The following TYRO3 variants were observed in gnomAD, a reference collection of about 807,000 sequenced individuals.
TYRO3 encodes the protein TYRO3 protein tyrosine kinase, also known as tyrosine-protein kinase receptor TYRO3.
TYRO3 carries 38 observed loss-of-function variants against 95.2 expected under a neutral mutation model. The ratio of observed to expected loss-of-function variants is 0.40; its 90% CI spans 0.31 to 0.52. TYRO3 has a LOEUF of 0.52. Ranked by LOEUF, TYRO3 falls within the 20% of genes least tolerant of loss-of-function variation. TYRO3 has a pLI of 0.56. For synonymous variants in TYRO3, 367 were observed against 432.9 expected, an observed-to-expected ratio of 0.85 and a Z score of 1.89; for missense variants, 812 against 1,116.4, an observed-to-expected ratio of 0.73 and a Z score of 3.89.
chr15:41,573,149 G>T, intron 16 of TYRO3, 38 bp downstream of exon 16: 1 of 1,600,180 alleles, frequency 6.2e-7, no homozygotes, highest in Non-Finnish European at 8.5e-7. Context: ...GGAGACAGCA[G>T]CAGGTGCCAA....
chr15:41,573,451 C>T lies in TYRO3; in HGVS notation c.2129C>T (p.Thr710Ile). 6.2e-7 allele frequency: 1 copy of T among 1,614,244 alleles called. No homozygotes were observed. Among genetic ancestry groups the T allele is most frequent in the Non-Finnish European group, 8.5e-7 (1 of 1,180,054 alleles). Residue 710 changes from threonine (T) to isoleucine (I), a missense_variant, in exon 17 of 19, where the codon ACT becomes ATT. Coordinates refer to ENST00000263798, the MANE Select transcript of TYRO3 (RefSeq NM_006293.4). ...GAGAGCCTGGCCGACAACCTGTATA[C>T]TGTGCAGAGTGACGTGGTGAGCAGG... ...ALESLADNLY[T>I]VQSDVWAFGV...
chr15:41,573,684 G>A lies in TYRO3; in HGVS notation c.2151G>A (p.Ala717=), dbSNP rs769707482. The change falls in exon 18 of 19, where the codon GCG becomes GCA. Residue 717 remains alanine, a synonymous_variant. Coordinates refer to ENST00000263798, the MANE Select transcript of TYRO3 (RefSeq NM_006293.4). ...NLYTVQSDVW[A]FGVTMWEIMT... ...CAACCTCGATTCTGTCCCAGTGGGC[G>A]TTCGGGGTGACCATGTGGGAGATCA... The A allele has an allele frequency of 1.1e-5, 18 of 1,614,116 alleles. No homozygotes were observed. The highest frequency in any genetic ancestry group is 7.7e-5 in the South Asian group (7 of 91,090).
intron 7 of TYRO3, 113 bp downstream of exon 7, chr15:41,567,650 C>A: frequency 1.0e-6 from 1 of 976,594 alleles, no homozygotes; most frequent in Non-Finnish European, 1.4e-6. Flanking sequence ...CATCATTCGG[C>A]AAACATTTAC....
At chr15:41,569,298 A>T (rs756982412) in intron 9 of TYRO3, among the ~76,000 whole-genome samples, 8 of 44,360 alleles carry the variant, frequency 1.8e-4, no homozygotes, top group East Asian at 4.3e-3. Flanking sequence ...CAAAAAAATT[A>T]AAAAAAAAAA....
intron 14 of TYRO3, among the ~76,000 whole-genome samples, chr15:41,571,988 C>A (rs2055801805): frequency 6.9e-6 from 1 of 144,894 alleles, no homozygotes; most frequent in Non-Finnish European, 1.5e-5. Context: ...CAACAGCCCA[C>A]CTCTATTTAA....
intron 18 of TYRO3, among the ~76,000 whole-genome samples, chr15:41,576,393 A>C (rs1173602786): frequency 6.6e-6 from 1 of 151,730 alleles, no homozygotes; most frequent in Non-Finnish European, 1.5e-5. Flanking sequence ...GGGTTTCTCC[A>C]TGTTGATCAG....
chr15:41,574,725 TG>T, intron 18 of TYRO3: 1 of 454,770 alleles, frequency 2.2e-6, no homozygotes, highest in South Asian at 1.6e-5. Flanking sequence ...GAGTATTTTT[TG>T]TTTTGTTTTT....
chr15:41,567,849 A>G (rs2055743891), intron 7 of TYRO3, among the ~76,000 whole-genome samples: 2 of 152,230 alleles, frequency 1.3e-5, no homozygotes, highest in African/African-American at 4.8e-5. Flanking sequence ...AGCCATGTAA[A>G]TATCTGGGGG....
intron 7 of TYRO3, 99 bp from the exon 8 acceptor site, chr15:41,568,118 A>G: frequency 6.7e-7 from 1 of 1,502,712 alleles, no homozygotes; most frequent in South Asian, 1.2e-5. Context: ...TGTGCCTCTC[A>G]GAGCTGTTTA....
chr15:41,571,292 T>C (rs2055792857), intron 13 of TYRO3, among the ~76,000 whole-genome samples, 174 bp downstream of exon 13: 1 of 152,168 alleles, frequency 6.6e-6, no homozygotes. Flanking sequence ...AACATACATA[T>C]TCATGCCCAG....
chr15:41,573,248 G>C, intron 16 of TYRO3, 60 bp from the exon 17 acceptor site: 1 of 1,559,946 alleles, frequency 6.4e-7, no homozygotes, highest in South Asian at 1.1e-5. Flanking sequence ...AGATGTCCTG[G>C]CTCTTGTGGG....
Position 41,582,299 on chromosome 15 carries a change from G to A in TYRO3, c.*4023G>A, listed in dbSNP as rs999218450. The A allele has an allele frequency of 3.9e-5, 6 of 152,214 alleles. No homozygotes were observed. Among genetic ancestry groups the A allele is most frequent in the Non-Finnish European group, 5.9e-5 (4 of 68,050 alleles). 9.4% of individuals were successfully genotyped at this position (152,214 alleles called of 1,614,324 possible). A position where few individuals can be genotyped will look rare whatever the true frequency, so the allele number is the denominator to read the frequency against. ...GGAGGCCGAGGCGGGCGGATCACAA[G>A]GTCAGGAGTTTGAGACCAGCCTGGC... On this transcript the variant is annotated 3_prime_UTR_variant, in exon 19 of 19. Coordinates refer to ENST00000263798, the MANE Select transcript of TYRO3 (RefSeq NM_006293.4).
At position 41,582,995 on chromosome 15, in the gene TYRO3, G is replaced by GTTTTTTTTTTTTTTTTTTTTTTTT. The variant is rs373111760; in HGVS notation, c.*4720_*4721insTTTTTTTTTTTTTTTTTTTTTTTT. ...GCCACTGCACCTGGCAAATTTTTAAGTGTTTTTTTTTTTTTTTAATACAGA... is the reference window on the plus strand; with the variant it reads ...GCCACTGCACCTGGCAAATTTTTAAGTTTTTTTTTTTTTTTTTTTTTTTTTGTTTTTTTTTTTTTTTAATACAGA... On this transcript the variant is annotated 3_prime_UTR_variant, in exon 19 of 19. Transcript: ENST00000263798. 3.5e-5 allele frequency: 3 copies of GTTTTTTTTTTTTTTTTTTTTTTTT among 86,920 alleles called. 1 individual carries two copies. The highest frequency in any genetic ancestry group is 1.4e-4 in the African/African-American group (3 of 21,590). The allele number at this position is 86,920 out of a possible 1,614,324, so 5.4% of individuals were successfully genotyped here.
Position 41,573,421 on chromosome 15 carries a change from C to T in TYRO3, c.2099C>T (p.Ala700Val). 6.2e-7 allele frequency: 1 copy of T among 1,614,244 alleles called. No homozygotes were observed. The highest frequency in any genetic ancestry group is 8.5e-7 in the Non-Finnish European group (1 of 1,180,054). The change falls in exon 17 of 19, where the codon GCC becomes GTC. Residue 700 changes from alanine (A) to valine (V), a missense_variant. Transcript: ENST00000263798. Reference protein sequence around the residue: ...CASKLPVKWLALESLADNLYT... With the variant: ...CASKLPVKWLVLESLADNLYT... Reference sequence around the variant, plus strand: ...TCCAAACTGCCTGTCAAGTGGCTGGCCCTGGAGAGCCTGGCCGACAACCTG... The same window carrying T: ...TCCAAACTGCCTGTCAAGTGGCTGGTCCTGGAGAGCCTGGCCGACAACCTG...
rs142874537 is a variant in TYRO3 at position 41,570,624 on chromosome 15, G to A, written c.1504G>A (p.Asp502Asn). Residue 502 changes from aspartate (D) to asparagine (N), a missense_variant, in exon 12 of 19, where the codon GAT (aspartate) becomes AAT (asparagine). Transcript: ENST00000263798. The stretch of plus-strand genomic sequence containing the variant: ...CACAGTGGACAGCTTGGGCATCAGC[G>A]ATGAACTAAAGGAAAAACTGGAGGA... ...EATLDSLGISDELKEKLEDVL... is the reference protein window; with the variant it reads ...EATLDSLGISNELKEKLEDVL... 3.3e-5 allele frequency: 54 copies of A among 1,614,012 alleles called. No individual in the cohort carries two copies. Among genetic ancestry groups the A allele is most frequent in the Admixed American group, 5.0e-5 (3 of 60,002 alleles).
At chr15:41,562,970 C>T (rs563316797) in intron 4 of TYRO3, among the ~76,000 whole-genome samples, 1 of 152,132 alleles carries the variant, frequency 6.6e-6, no homozygotes, top group African/African-American at 2.4e-5. Context: ...CACAGCAGTC[C>T]AGGCCATGCA....
chr15:41,571,884 G>A (rs1437306318), intron 14 of TYRO3, among the ~76,000 whole-genome samples, 197 bp downstream of exon 14: 1 of 152,138 alleles, frequency 6.6e-6, no homozygotes, highest in African/African-American at 2.4e-5. Flanking sequence ...GTGGCTGGAT[G>A]TGGTGGCTCA....
At chr15:41,567,051 A>G (rs1281256839) in intron 6 of TYRO3, among the ~76,000 whole-genome samples, 1 of 152,166 alleles carries the variant, frequency 6.6e-6, no homozygotes, top group East Asian at 1.9e-4. Context: ...CAAGTACAAA[A>G]GGACAAGAGT....
At chr15:41,572,185 G>C (rs2055805163) in intron 14 of TYRO3, among the ~76,000 whole-genome samples, 2 of 152,168 alleles carry the variant, frequency 1.3e-5, no homozygotes, top group South Asian at 4.1e-4. Flanking sequence ...GACAGAGCAA[G>C]ATACTGTTTC....
Sources: gnomAD v4.1 joint callset for allele counts (sites outside exome capture counted in the v4.1 genomes callset) on GRCh38, gnomAD v4.1.1 for gene constraint, MANE v1.5 for transcripts, NCBI Gene and HGNC (gene_info 2026-07-23, HGNC 2026-07-21) for gene names.